The following AGBL1 variants were observed in gnomAD, a reference collection of about 807,000 sequenced individuals.
AGBL1 encodes the protein cytosolic carboxypeptidase 4.
A neutral mutation model predicts 118.9 loss-of-function variants in AGBL1; 130 were observed. The observed-to-expected ratio is 1.09, with a 90% CI of 0.95 to 1.26. The LOEUF is 1.26. Ranked by LOEUF, AGBL1 falls within the 50% of genes most tolerant of loss-of-function variation. The pLI is 0.00. For synonymous variants in AGBL1, 555 were observed against 478.9 expected, an observed-to-expected ratio of 1.16 and a Z score of -2.08; for missense variants, 1,584 against 1,298.1, an observed-to-expected ratio of 1.22 and a Z score of -3.38.
At chr15:86,985,024 A>G (rs1483444219) in intron 23 of AGBL1, among the ~76,000 whole-genome samples, 2 of 152,184 alleles carry the variant, frequency 1.3e-5, no homozygotes, top group East Asian at 3.9e-4. Context: ...ACTCAGCATA[A>G]TGATTCATTC....
At chr15:86,420,082 C>T (rs1435606647) in intron 18 of AGBL1, among the ~76,000 whole-genome samples, 1 of 152,176 alleles carries the variant, frequency 6.6e-6, no homozygotes, top group African/African-American at 2.4e-5. Flanking sequence ...CTGAAGAGAG[C>T]AGTGGATCTC....
chr15:86,862,975 G>T (rs1335852265), intron 22 of AGBL1, among the ~76,000 whole-genome samples: 1 of 152,202 alleles, frequency 6.6e-6, no homozygotes, highest in Admixed American at 6.5e-5. Context: ...CAAAAACTGT[G>T]AGAGGATGGA....
At chr15:86,407,025 C>T (rs1397613175) in intron 18 of AGBL1, among the ~76,000 whole-genome samples, 1 of 152,124 alleles carries the variant, frequency 6.6e-6, no homozygotes, top group Non-Finnish European at 1.5e-5. Context: ...GATTACCCTC[C>T]TTAGAAAATT....
intron 18 of AGBL1, among the ~76,000 whole-genome samples, chr15:86,401,997 T>C (rs529552610): frequency 6.6e-6 from 1 of 152,184 alleles, no homozygotes; most frequent in South Asian, 2.1e-4. Context: ...ATGATGATGG[T>C]ATTTTAATGG....
intron 5 of AGBL1, among the ~76,000 whole-genome samples, chr15:86,214,197 C>G (rs2078147752): frequency 6.6e-6 from 1 of 152,182 alleles, no homozygotes. Flanking sequence ...TTTTGTTCAT[C>G]TATTGAATCA....
chr15:86,702,468 T>C (rs1460166257), intron 22 of AGBL1, among the ~76,000 whole-genome samples: 3 of 152,114 alleles, frequency 2.0e-5, no homozygotes, highest in Non-Finnish European at 2.9e-5. Context: ...AGGGTTTACA[T>C]TATTTTATCA....
intron 22 of AGBL1, among the ~76,000 whole-genome samples, chr15:86,750,220 G>A (rs2077826407): frequency 6.6e-6 from 1 of 151,956 alleles, no homozygotes; most frequent in South Asian, 2.1e-4. Flanking sequence ...ACCAAAAGGA[G>A]TCATTCAACA....
At chr15:87,019,012 A>G (rs2081635298) in intron 24 of AGBL1, among the ~76,000 whole-genome samples, 2 of 152,090 alleles carry the variant, frequency 1.3e-5, no homozygotes, top group Admixed American at 6.5e-5. Flanking sequence ...ACAAAGATAA[A>G]AAAAAAGACA....
At chr15:86,461,567 C>T (rs907808235) in intron 18 of AGBL1, among the ~76,000 whole-genome samples, 3 of 151,990 alleles carry the variant, frequency 2.0e-5, no homozygotes, top group Non-Finnish European at 4.4e-5. Context: ...AGGAGTATCA[C>T]GGCAATATAT....
intron 22 of AGBL1, among the ~76,000 whole-genome samples, chr15:86,802,575 A>G (rs1276729628): frequency 6.6e-6 from 1 of 152,186 alleles, no homozygotes; most frequent in African/African-American, 2.4e-5. Flanking sequence ...TGTAGTAAAT[A>G]TGTTAACACG....
chr15:86,547,452 G>C (rs2083598723), intron 20 of AGBL1, among the ~76,000 whole-genome samples: 1 of 152,108 alleles, frequency 6.6e-6, no homozygotes. Context: ...AAAGTCTCCT[G>C]TACGAAGCTG....
rs74740033 is a variant in AGBL1 at position 86,740,670 on chromosome 15, C to A, written c.3158+66234C>A. ...TGTGATTACATCCGTTCAGAAATGG[C>A]TTCATGGGGAGCTGGGTAGACAGAT... On this transcript the variant is annotated intron_variant, in intron 22 of 22. Coordinates refer to ENST00000614907, the MANE Select transcript of AGBL1 (RefSeq NM_001386094.1). Among the ~76,000 whole-genome samples, 825 of 152,222 alleles carry A rather than the reference C, an allele frequency of 5.4e-3. 9 individuals carry two copies. Among genetic ancestry groups the A allele is most frequent in the African/African-American group, 0.019 (794 of 41,538 alleles).
intron 18 of AGBL1, among the ~76,000 whole-genome samples, chr15:86,475,679 A>C (rs1272468654): frequency 6.6e-6 from 1 of 152,238 alleles, no homozygotes; most frequent in Admixed American, 6.5e-5. Flanking sequence ...AACTTCCCCA[A>C]CCTAGCAAGG....
At chr15:86,523,929 T>C (rs907074326) in intron 19 of AGBL1, among the ~76,000 whole-genome samples, 1 of 152,152 alleles carries the variant, frequency 6.6e-6, no homozygotes, top group African/African-American at 2.4e-5. Context: ...TAGAGGGACA[T>C]ACGTCCAAAT....
chr15:86,426,258 G>T (rs2081865253), intron 18 of AGBL1, among the ~76,000 whole-genome samples: 1 of 152,046 alleles, frequency 6.6e-6, no homozygotes, highest in South Asian at 2.1e-4. Flanking sequence ...GCCATGGGTG[G>T]GTCTAAGACA....
intron 22 of AGBL1, among the ~76,000 whole-genome samples, chr15:86,858,308 G>T (rs28699318): frequency 6.6e-6 from 1 of 152,202 alleles, no homozygotes; most frequent in Admixed American, 6.5e-5. Flanking sequence ...CTAAAACTCA[G>T]TGTCATGGGG....
At chr15:86,820,994 G>A (rs780521874) in intron 22 of AGBL1, among the ~76,000 whole-genome samples, 10 of 152,168 alleles carry the variant, frequency 6.6e-5, no homozygotes, top group African/African-American at 1.7e-4. Flanking sequence ...GGAATACTAC[G>A]GAGCCAAAAA....
intron 17 of AGBL1, among the ~76,000 whole-genome samples, chr15:86,343,702 A>G (rs927986965): frequency 6.6e-6 from 1 of 152,180 alleles, no homozygotes; most frequent in Admixed American, 6.5e-5. Context: ...TTCTTCTTAA[A>G]TGAATTCACT....
chr15:86,950,385 C>T (rs971934847), intron 23 of AGBL1, among the ~76,000 whole-genome samples: 27 of 150,540 alleles, frequency 1.8e-4, no homozygotes, highest in African/African-American at 6.3e-4. Flanking sequence ...TCATAGAATT[C>T]AACCAAGAGT....
Sources: gnomAD v4.1 joint callset for allele counts (sites outside exome capture counted in the v4.1 genomes callset) on GRCh38, gnomAD v4.1.1 for gene constraint, MANE v1.5 for transcripts, NCBI Gene and HGNC (gene_info 2026-07-23, HGNC 2026-07-21) for gene names.